PTPRT: variants seen among roughly 807,000 people sequenced by gnomAD.
The protein encoded by PTPRT is receptor-type tyrosine-protein phosphatase T.
Under a neutral mutation model 176.8 loss-of-function variants are expected in PTPRT, and 56 were observed. The ratio of observed to expected loss-of-function variants is 0.32; its 90% confidence interval spans 0.26 to 0.40. The LOEUF is 0.40. Among genes scored for constraint, PTPRT ranks in the 10% least tolerant of loss-of-function variants. The pLI is 1.00. For missense variants in PTPRT, 1,540 were observed against 1,908.2 expected (o/e 0.81, Z 3.60); for synonymous variants, 783 against 739.0 (o/e 1.06, Z -0.96).
chr20:42,323,730 G>C (rs1365573194), intron 11 of PTPRT, among the ~76,000 whole-genome samples: 1 of 151,894 alleles, frequency 6.6e-6, no homozygotes, highest in African/African-American at 2.4e-5. Context: ...CCTGCACATT[G>C]TGTACATGTA....
chr20:42,999,516 G>A (rs1409478384), intron 1 of PTPRT, among the ~76,000 whole-genome samples: 1 of 152,102 alleles, frequency 6.6e-6, no homozygotes, highest in Non-Finnish European at 1.5e-5. Flanking sequence ...AACACATTGG[G>A]AGGCCAAGGC....
intron 15 of PTPRT, among the ~76,000 whole-genome samples, chr20:42,224,821 T>C (rs1396728019): frequency 2.0e-5 from 3 of 152,202 alleles, no homozygotes; most frequent in African/African-American, 7.2e-5. Flanking sequence ...TCTAATGGCA[T>C]TGTTCAGAAT....
At chr20:42,638,302 C>T (rs35349846) in intron 7 of PTPRT, among the ~76,000 whole-genome samples, 15,298 of 152,064 alleles carry the variant, frequency 0.1, 980 homozygotes, top group Non-Finnish European at 0.15. Flanking sequence ...CTAAATCTTA[C>T]TTCAGGATGT....
intron 2 of PTPRT, among the ~76,000 whole-genome samples, chr20:42,883,856 C>A (rs371539804): frequency 0.088 from 885 of 10,040 alleles, 25 homozygotes; most frequent in African/African-American, 0.25. Flanking sequence ...AGACACACAC[C>A]CCCATAGACA....
At chr20:43,072,280 C>A (rs2011191981) in intron 1 of PTPRT, among the ~76,000 whole-genome samples, 2 of 152,192 alleles carry the variant, frequency 1.3e-5, no homozygotes, top group South Asian at 4.1e-4. Context: ...ATGTAATATG[C>A]AAGAGAAATT....
chr20:42,656,362 G>C (rs1600558590), intron 7 of PTPRT, among the ~76,000 whole-genome samples: 1 of 152,156 alleles, frequency 6.6e-6, no homozygotes, highest in South Asian at 2.1e-4. Context: ...GCCAGTAAGG[G>C]AGAGAATGGA....
chr20:42,769,886 T>C (rs975235095), intron 5 of PTPRT, among the ~76,000 whole-genome samples: 5 of 152,242 alleles, frequency 3.3e-5, no homozygotes, highest in African/African-American at 4.8e-5. Context: ...CTTCCATTTA[T>C]ATAAAATTCT....
intron 1 of PTPRT, among the ~76,000 whole-genome samples, chr20:42,992,172 G>A (rs1983949103): frequency 6.6e-6 from 1 of 152,304 alleles, no homozygotes. Context: ...ATCCCCTACT[G>A]TAGAATTTGG....
intron 18 of PTPRT, among the ~76,000 whole-genome samples, chr20:42,137,446 T>C (rs182057330): frequency 3.9e-5 from 6 of 152,234 alleles, no homozygotes; most frequent in African/African-American, 1.2e-4. Flanking sequence ...TGCTCTGAGG[T>C]TGGGCCTTAG....
At chr20:42,254,744 A>T (rs2056608473) in intron 13 of PTPRT, among the ~76,000 whole-genome samples, 1 of 152,172 alleles carries the variant, frequency 6.6e-6, no homozygotes, top group Non-Finnish European at 1.5e-5. Flanking sequence ...TGAGGTCATT[A>T]TGGTTCCAAA....
At chr20:43,008,736 T>C (rs376968757) in intron 1 of PTPRT, among the ~76,000 whole-genome samples, 2 of 152,096 alleles carry the variant, frequency 1.3e-5, no homozygotes, top group Admixed American at 6.6e-5. Flanking sequence ...ATTTCTGTTG[T>C]TTATAAGCCA....
intron 15 of PTPRT, among the ~76,000 whole-genome samples, chr20:42,224,443 G>A (rs1375850955): frequency 2.0e-5 from 3 of 152,194 alleles, no homozygotes; most frequent in Admixed American, 6.5e-5. Context: ...GACTTCTACA[G>A]ATTTTACTTT....
At chr20:42,516,106 G>A in intron 7 of PTPRT, among the ~76,000 whole-genome samples, 1 of 118,200 alleles carries the variant, frequency 8.5e-6, no homozygotes, top group Non-Finnish European at 1.7e-5. Context: ...GACTGTTGTG[G>A]GGTGGGGGGA....
chr20:42,691,812 G>C (rs1201019444), intron 6 of PTPRT, among the ~76,000 whole-genome samples: 1 of 152,144 alleles, frequency 6.6e-6, no homozygotes, highest in East Asian at 1.9e-4. Flanking sequence ...TGGACGCTGG[G>C]CTCCAAGAAT....
intron 7 of PTPRT, among the ~76,000 whole-genome samples, chr20:42,650,272 C>G (rs143745690): frequency 2.6e-5 from 4 of 152,256 alleles, no homozygotes; most frequent in South Asian, 2.1e-4. Flanking sequence ...CTCCAATACC[C>G]TGTCCACTAC....
chr20:42,444,686 T>C (rs2059347644), intron 9 of PTPRT, among the ~76,000 whole-genome samples: 1 of 152,194 alleles, frequency 6.6e-6, no homozygotes, highest in Admixed American at 6.5e-5. Flanking sequence ...TTCTCTTCCA[T>C]TTGCATTATC....
chr20:42,141,684 G>A (rs1401121580), intron 18 of PTPRT, among the ~76,000 whole-genome samples: 1 of 152,028 alleles, frequency 6.6e-6, no homozygotes, highest in South Asian at 2.1e-4. Context: ...GTTCTGCTCT[G>A]CCCTGACCCA....
chr20:42,855,336 T>C (rs1481961979), intron 2 of PTPRT, among the ~76,000 whole-genome samples: 1 of 151,994 alleles, frequency 6.6e-6, no homozygotes, highest in Non-Finnish European at 1.5e-5. Context: ...AAAAATATTA[T>C]TAATTCTGAA....
At chr20:42,163,430 G>A (rs1246844509) in intron 16 of PTPRT, among the ~76,000 whole-genome samples, 6 of 152,114 alleles carry the variant, frequency 3.9e-5, no homozygotes, top group South Asian at 2.1e-4. Context: ...TTTTTCTCCC[G>A]GGATTTTAGG....
Sources: allele counts gnomAD v4.1 joint callset (sites outside exome capture counted in the v4.1 genomes callset), GRCh38; gene constraint gnomAD v4.1.1; transcripts MANE v1.5; gene names NCBI Gene and HGNC (gene_info 2026-07-23, HGNC 2026-07-21).